Variants in TBC1D14 observed in about 807,000 individuals in gnomAD.
TBC1D14 encodes the protein TBC1 domain family, member 14.
A neutral mutation model predicts 79.0 loss-of-function variants in TBC1D14; 26 were observed. The observed-to-expected ratio is 0.33, with a 90% confidence interval of 0.24 to 0.46. TBC1D14 has a LOEUF of 0.46. Among genes scored for constraint, TBC1D14 ranks in the 20% least tolerant of loss-of-function variants. The probability of loss-of-function intolerance (pLI) is 1.00; values close to 1 mark genes in which losing one functional copy is unlikely to be tolerated. For missense variants in TBC1D14, 769 were observed against 887.6 expected (o/e 0.87, Z 1.70); for synonymous variants, 394 against 349.9 (o/e 1.13, Z -1.40).
intron 3 of TBC1D14, among the ~76,000 whole-genome samples, chr4:6,990,481 A>G (rs1269909350): frequency 6.6e-6 from 1 of 152,194 alleles, no homozygotes; most frequent in Non-Finnish European, 1.5e-5. Context: ...AGGGTTGTCC[A>G]GGGTGGCAGC....
chr4:6,913,372 C>T (rs1017071948), intron 1 of TBC1D14, among the ~76,000 whole-genome samples: 1 of 152,156 alleles, frequency 6.6e-6, no homozygotes, highest in African/African-American at 2.4e-5. Flanking sequence ...TTCAGCTTAT[C>T]GATGATCAGG....
intron 2 of TBC1D14, 101 bp from the exon 3 acceptor site, chr4:6,967,203 C>T (rs898450861): frequency 2.8e-6 from 4 of 1,448,950 alleles, no homozygotes; most frequent in Non-Finnish European, 2.8e-6. Context: ...GTACGTGGTT[C>T]TCAGAGGAAA....
intron 2 of TBC1D14, among the ~76,000 whole-genome samples, chr4:6,957,068 G>C (rs560283751): frequency 3.5e-4 from 53 of 152,224 alleles, no homozygotes; most frequent in Non-Finnish European, 6.5e-4. Context: ...GAGCCACATC[G>C]CTTGCTGTGT....
chr4:6,920,137 A>G (rs1455123554), intron 1 of TBC1D14, among the ~76,000 whole-genome samples: 1 of 152,038 alleles, frequency 6.6e-6, no homozygotes, highest in Non-Finnish European at 1.5e-5. Flanking sequence ...TGAATCAAAT[A>G]TTTATATATA....
chr4:6,924,174 C>A, intron 2 of TBC1D14, 63 bp downstream of exon 2: 2 of 1,525,372 alleles, frequency 1.3e-6, no homozygotes, highest in South Asian at 2.5e-5. Context: ...CTCCTTGTTC[C>A]TGTCTCAAAT....
chr4:7,022,649 G>T (rs1721946340), intron 12 of TBC1D14, among the ~76,000 whole-genome samples: 1 of 152,130 alleles, frequency 6.6e-6, no homozygotes, highest in African/African-American at 2.4e-5. Context: ...TGGCCAGGAG[G>T]TGGAAGCTCA....
At chr4:7,024,243 C>G (rs1406155243) in intron 12 of TBC1D14, among the ~76,000 whole-genome samples, 1 of 152,188 alleles carries the variant, frequency 6.6e-6, no homozygotes, top group African/African-American at 2.4e-5. Flanking sequence ...CGAGTCAGCC[C>G]CTCAGGCCGA....
chr4:7,011,345 G>A lies in TBC1D14; in HGVS notation c.1647+564G>A, dbSNP rs1421630529. 2.0e-5 allele frequency among the ~76,000 whole-genome samples: 3 copies of A among 147,044 alleles called. No individual in the cohort carries two copies. In the East Asian group the frequency reaches 6.6e-4, roughly 32 times the overall value. ...TGACAGTGGGGGGTGGTGACAGTGGGGGGTAGGGTTTACATGCCTCCCAGA... is the reference window on the plus strand; with the variant it reads ...TGACAGTGGGGGGTGGTGACAGTGGAGGGTAGGGTTTACATGCCTCCCAGA... On this transcript the variant is annotated intron_variant, in intron 11 of 13. Coordinates refer to ENST00000409757, the MANE Select transcript of TBC1D14 (RefSeq NM_020773.3).
chr4:7,004,007 C>CG lies in TBC1D14; in HGVS notation c.1271-835dup, dbSNP rs565984997. Among the ~76,000 whole-genome samples, 15 of 151,752 alleles carry CG rather than the reference C, an allele frequency of 9.9e-5. 1 individual carries two copies. In the Middle Eastern group the frequency reaches 0.01, roughly 103 times the overall value. On this transcript the variant is annotated intron_variant, in intron 7 of 13. Coordinates refer to ENST00000409757, the MANE Select transcript of TBC1D14 (RefSeq NM_020773.3). The stretch of plus-strand genomic sequence containing the variant: ...TGGGCGACAGAGCAAGACTCCATCT[C>CG]GGAAAAAAAAAGAAAAAGCCAGATG...
chr4:6,938,200 G>T (rs1712535886), intron 2 of TBC1D14, among the ~76,000 whole-genome samples: 2 of 152,176 alleles, frequency 1.3e-5, no homozygotes. Context: ...CTTGTCTGGG[G>T]GAGGACCGTG....
At chr4:7,019,625 C>T (rs568579998) in intron 12 of TBC1D14, among the ~76,000 whole-genome samples, 43 of 152,346 alleles carry the variant, frequency 2.8e-4, no homozygotes, top group Middle Eastern at 3.4e-3. Context: ...CATTCTCATG[C>T]GGTGCTCATG....
At chr4:6,985,000 T>C (rs1406346496) in intron 3 of TBC1D14, among the ~76,000 whole-genome samples, 3 of 152,318 alleles carry the variant, frequency 2.0e-5, no homozygotes, top group East Asian at 3.9e-4. Context: ...CTGGGAGCTT[T>C]TGAATGCTTT....
chr4:6,957,172 A>G (rs1457162193), intron 2 of TBC1D14, among the ~76,000 whole-genome samples: 1 of 152,216 alleles, frequency 6.6e-6, no homozygotes, highest in South Asian at 2.1e-4. Context: ...ACTAGACTCC[A>G]TGGGTCCACC....
chr4:6,999,224 G>A (rs761952850), intron 6 of TBC1D14, 22 bp downstream of exon 6: 3 of 1,586,678 alleles, frequency 1.9e-6, no homozygotes, highest in South Asian at 2.2e-5. Flanking sequence ...CTCTGGGTGT[G>A]GCTGAACTGC....
intron 11 of TBC1D14, among the ~76,000 whole-genome samples, chr4:7,012,136 C>T (rs1191777320): frequency 6.6e-6 from 1 of 151,792 alleles, no homozygotes; most frequent in Non-Finnish European, 1.5e-5. Context: ...CCCGTCTCTA[C>T]TAAAAATACA....
chr4:6,932,376 TAAA>T (rs34196506), intron 2 of TBC1D14, among the ~76,000 whole-genome samples: 10 of 143,928 alleles, frequency 6.9e-5, no homozygotes, highest in Non-Finnish European at 7.5e-5. Context: ...GTCTGGAAAT[TAAA>T]AAAAAAAAAA....
chr4:7,021,007 GCC>G (rs1292955318), intron 12 of TBC1D14, among the ~76,000 whole-genome samples: 1 of 152,216 alleles, frequency 6.6e-6, no homozygotes, highest in African/African-American at 2.4e-5. Context: ...GCAGCCCGGG[GCC>G]CTGATTAGTA....
At chr4:7,003,286 A>T (rs1038089775) in intron 7 of TBC1D14, among the ~76,000 whole-genome samples, 1 of 152,194 alleles carries the variant, frequency 6.6e-6, no homozygotes, top group Admixed American at 6.5e-5. Context: ...TGTGACTTAA[A>T]TGTCAAATGC....
intron 3 of TBC1D14, among the ~76,000 whole-genome samples, chr4:6,990,109 CCAAT>C (rs1718335927): frequency 6.6e-6 from 1 of 152,294 alleles, no homozygotes; most frequent in African/African-American, 2.4e-5. Context: ...GCTGTTGTGA[CCAAT>C]CAAACTGATC....
Sources: gnomAD v4.1 joint callset for allele counts (sites outside exome capture counted in the v4.1 genomes callset) on GRCh38, gnomAD v4.1.1 for gene constraint, MANE v1.5 for transcripts, NCBI Gene and HGNC (gene_info 2026-07-23, HGNC 2026-07-21) for gene names.